TANC1: variants seen among roughly 807,000 people sequenced by gnomAD.
TANC1 encodes the protein tetratricopeptide repeat, ankyrin repeat and coiled-coil containing 1, also known as protein TANC1.
TANC1 carries 77 observed loss-of-function variants against 149.7 expected under a neutral mutation model. That is an observed-to-expected ratio of 0.51 (90% CI 0.43 to 0.62). TANC1 has a LOEUF of 0.62. Ranked by LOEUF, TANC1 falls within the 20% of genes least tolerant of loss-of-function variation. The pLI is 0.00. For synonymous variants in TANC1, 854 were observed against 925.0 expected, an observed-to-expected ratio of 0.92 and a Z score of 1.39; for missense variants, 1,985 against 2,321.8, an observed-to-expected ratio of 0.85 and a Z score of 2.98.
At chr2:159,071,399 A>T (rs1018294539) in intron 3 of TANC1, among the ~76,000 whole-genome samples, 4 of 151,932 alleles carry the variant, frequency 2.6e-5, no homozygotes, top group African/African-American at 4.8e-5. Context: ...TTAAAAAAAA[A>T]TTTTTTTTTG....
intron 3 of TANC1, among the ~76,000 whole-genome samples, chr2:159,085,383 G>T (rs1278407047): frequency 6.6e-6 from 1 of 152,036 alleles, no homozygotes; most frequent in Non-Finnish European, 1.5e-5. Context: ...ACTCAAAATG[G>T]ACTTGATATA....
intron 3 of TANC1, among the ~76,000 whole-genome samples, chr2:159,070,543 A>T (rs1376448416): frequency 6.6e-6 from 1 of 152,216 alleles, no homozygotes; most frequent in Admixed American, 6.5e-5. Context: ...GGCTCTAAAA[A>T]TCCTGTGTGT....
chr2:159,102,094 T>C (rs2046774208), intron 4 of TANC1, among the ~76,000 whole-genome samples: 1 of 152,184 alleles, frequency 6.6e-6, no homozygotes, highest in Non-Finnish European at 1.5e-5. Context: ...TCTTGGACCA[T>C]GAGTTAATGT....
At chr2:159,035,713 A>G (rs7581824) in intron 2 of TANC1, among the ~76,000 whole-genome samples, 27 of 152,290 alleles carry the variant, frequency 1.8e-4, no homozygotes, top group African/African-American at 6.0e-4. Flanking sequence ...CACCACAAAA[A>G]CAGGCTGGAG....
chr2:159,085,229 A>G (rs1056983122), intron 3 of TANC1, among the ~76,000 whole-genome samples: 1 of 151,996 alleles, frequency 6.6e-6, no homozygotes, highest in Non-Finnish European at 1.5e-5. Context: ...GCTTGTGTCC[A>G]CTTCCCGTTT....
chr2:159,134,911 C>A lies in TANC1; in HGVS notation c.260-1283C>A, dbSNP rs2050505910. 2.0e-5 allele frequency among the ~76,000 whole-genome samples: 3 copies of A among 152,222 alleles called. No individual in the cohort carries two copies. The South Asian group carries it at 6.2e-4, about 32-fold the overall frequency. On this transcript the variant is annotated intron_variant, in intron 4 of 26. Transcript: ENST00000263635. ...AGAATTACAGGTGTGAGCCACCGTGCCTAGCCTTTTAATTTTTTTTAAGCA... is the reference window on the plus strand; with the variant it reads ...AGAATTACAGGTGTGAGCCACCGTGACTAGCCTTTTAATTTTTTTTAAGCA...
intron 1 of TANC1, among the ~76,000 whole-genome samples, chr2:158,992,444 A>G (rs1559109224): frequency 6.6e-6 from 1 of 151,320 alleles, no homozygotes; most frequent in Admixed American, 6.6e-5. Flanking sequence ...TTCTTTGCCT[A>G]TGCCTTAAAA....
intron 22 of TANC1, among the ~76,000 whole-genome samples, chr2:159,221,337 T>C (rs1447765425): frequency 1.3e-5 from 2 of 152,116 alleles, no homozygotes; most frequent in East Asian, 3.9e-4. Flanking sequence ...GCCAAGATCA[T>C]ACCATTGCAC....
intron 5 of TANC1, among the ~76,000 whole-genome samples, chr2:159,140,101 T>C (rs984369019): frequency 1.3e-5 from 2 of 151,970 alleles, no homozygotes; most frequent in Non-Finnish European, 2.9e-5. Flanking sequence ...TGCACCTCTC[T>C]GGTCCCAGCT....
At chr2:159,228,984 A>G in intron 26 of TANC1, 88 bp downstream of exon 26, 1 of 1,039,394 alleles carries the variant, frequency 9.6e-7, no homozygotes, top group Non-Finnish European at 1.5e-6. Flanking sequence ...TTTGCTGCAG[A>G]AGTGTTGCTC....
At chr2:158,997,782 C>T (rs1341869174) in intron 1 of TANC1, among the ~76,000 whole-genome samples, 5 of 152,206 alleles carry the variant, frequency 3.3e-5, no homozygotes, top group African/African-American at 1.2e-4. Context: ...GAAGAGACAT[C>T]TTCCTTATAG....
intron 2 of TANC1, among the ~76,000 whole-genome samples, chr2:159,033,844 C>A (rs1370924462): frequency 6.6e-6 from 1 of 152,096 alleles, no homozygotes; most frequent in East Asian, 1.9e-4. Context: ...GGTTTTATAC[C>A]AAGGAAAGCT....
chr2:159,010,723 CTTTT>C (rs35513612), intron 2 of TANC1, among the ~76,000 whole-genome samples: 1 of 132,218 alleles, frequency 7.6e-6, no homozygotes, highest in Non-Finnish European at 1.6e-5. Flanking sequence ...GAATGAAAGG[CTTTT>C]TTTTTTTTTT....
At chr2:159,002,742 T>C (rs1253404259) in intron 2 of TANC1, among the ~76,000 whole-genome samples, 1 of 152,244 alleles carries the variant, frequency 6.6e-6, no homozygotes, top group South Asian at 2.1e-4. Context: ...CAGGATTCTT[T>C]TACTGTCTTG....
chr2:159,108,362 C>T (rs2047395846), intron 4 of TANC1, among the ~76,000 whole-genome samples: 1 of 152,174 alleles, frequency 6.6e-6, no homozygotes, highest in Non-Finnish European at 1.5e-5. Flanking sequence ...CCGCCGCCTG[C>T]AGTTAATGAT....
At chr2:159,221,057 G>C (rs13407857) in intron 22 of TANC1, among the ~76,000 whole-genome samples, 17,180 of 152,096 alleles carry the variant, frequency 0.11, 2,185 homozygotes, top group African/African-American at 0.3. Context: ...TTGAAATAAA[G>C]AATACATTAC....
chr2:159,156,722 G>A (rs1276210554), intron 7 of TANC1, among the ~76,000 whole-genome samples: 2 of 152,216 alleles, frequency 1.3e-5, no homozygotes, highest in Non-Finnish European at 2.9e-5. Context: ...AGGGTCATTA[G>A]ACTGTGTGAG....
At chr2:158,998,614 A>G (rs1265425881) in intron 1 of TANC1, among the ~76,000 whole-genome samples, 2 of 152,258 alleles carry the variant, frequency 1.3e-5, no homozygotes, top group Non-Finnish European at 2.9e-5. Flanking sequence ...GATGTGTGTG[A>G]TTGGGTGACC....
At chr2:159,179,509 G>A (rs1212812464) in intron 14 of TANC1, among the ~76,000 whole-genome samples, 4 of 152,076 alleles carry the variant, frequency 2.6e-5, no homozygotes, top group Non-Finnish European at 4.4e-5. Context: ...ATGGGAATGT[G>A]TGAGATCAGC....
Sources: allele counts gnomAD v4.1 joint callset (sites outside exome capture counted in the v4.1 genomes callset), GRCh38; gene constraint gnomAD v4.1.1; transcripts MANE v1.5; gene names NCBI Gene and HGNC (gene_info 2026-07-23, HGNC 2026-07-21).